The following ZFYVE26 variants were observed in gnomAD, a reference collection of about 807,000 sequenced individuals.
The protein encoded by ZFYVE26 is zinc finger FYVE-type containing 26, also known as zinc finger FYVE domain-containing protein 26.
A neutral mutation model predicts 276.5 loss-of-function variants in ZFYVE26; 181 were observed. The ratio of observed to expected loss-of-function variants is 0.65; its 90% CI spans 0.58 to 0.74. The LOEUF (loss-of-function observed/expected upper bound fraction) is 0.74. Among genes scored for constraint, ZFYVE26 ranks in the 30% least tolerant of loss-of-function variants. The pLI is 0.00. For missense variants in ZFYVE26, 2,821 were observed against 3,097.9 expected (o/e 0.91, Z 2.12); for synonymous variants, 1,129 against 1,203.1 (o/e 0.94, Z 1.27).
chr14:67,781,649 C>T, intron 21 of ZFYVE26, 120 bp from the exon 22 acceptor site: 1 of 898,772 alleles, frequency 1.1e-6, no homozygotes, highest in East Asian at 2.6e-5. Context: ...TTGGAGGATC[C>T]TTAAGATGGA....
At chr14:67,802,414 G>A (rs765014020) in intron 9 of ZFYVE26, 132 bp from the exon 10 acceptor site, 14 of 890,022 alleles carry the variant, frequency 1.6e-5, no homozygotes, top group Middle Eastern at 3.1e-4. Flanking sequence ...CCTTTCTGTC[G>A]GTCTGATCTG....
At chr14:67,778,494 A>AGACTG (rs2039412380) in intron 23 of ZFYVE26, among the ~76,000 whole-genome samples, 1 of 152,264 alleles carries the variant, frequency 6.6e-6, no homozygotes, top group African/African-American at 2.4e-5. Context: ...GAAGTGGGAA[A>AGACTG]GACTGAAAAG....
intron 39 of ZFYVE26, 95 bp from the exon 40 acceptor site, chr14:67,752,621 G>A (rs2038679499): frequency 7.6e-7 from 1 of 1,310,518 alleles, no homozygotes; most frequent in Non-Finnish European, 1.1e-6. Context: ...GCTTGGTGTA[G>A]ATAAGCCATA....
chr14:67,764,442 A>G (rs2039007685), intron 32 of ZFYVE26, among the ~76,000 whole-genome samples: 1 of 152,170 alleles, frequency 6.6e-6, no homozygotes, highest in South Asian at 2.1e-4. Flanking sequence ...GCTGGTCTCG[A>G]ACTCCTGGCC....
intron 13 of ZFYVE26, among the ~76,000 whole-genome samples, chr14:67,731,666 A>G (rs2038277805): frequency 6.6e-6 from 1 of 152,152 alleles, no homozygotes; most frequent in Admixed American, 6.5e-5. Flanking sequence ...ATAATGTTGT[A>G]AGGAAAAAAC....
In ZFYVE26 at chr14:67,739,983, G is replaced by C. The variant is rs139780410; in HGVS notation, n.2680-10164C>G. On this transcript the variant is annotated intron_variant and non_coding_transcript_variant, in intron 13 of 14. Coordinates refer to the ZFYVE26 transcript ENST00000394455. The stretch of plus-strand genomic sequence containing the variant: ...ATGTCACATTCCACTGCAGGAATGG[G>C]GGTGGGAGGGTGGTTCTGCTCCCCA... Among the ~76,000 whole-genome samples, 853 of 152,170 alleles carry C rather than the reference G, an allele frequency of 5.6e-3. 7 individuals are homozygous for C. Among genetic ancestry groups the C allele is most frequent in the Non-Finnish European group, 7.1e-3 (486 of 68,010 alleles).
At chr14:67,788,246 G>A (rs547083302) in intron 16 of ZFYVE26, among the ~76,000 whole-genome samples, 24 of 152,240 alleles carry the variant, frequency 1.6e-4, no homozygotes, top group South Asian at 4.1e-4. Context: ...AAAATTAGCC[G>A]GGCGTGGTGG....
At chr14:67,729,202 A>G in intron 14 of ZFYVE26, 1 of 1,612,756 alleles carries the variant, frequency 6.2e-7, no homozygotes, top group Non-Finnish European at 8.5e-7. Context: ...CACCGGGGTC[A>G]CCACCTACGC....
intron 23 of ZFYVE26, among the ~76,000 whole-genome samples, chr14:67,779,995 T>C (rs984432726): frequency 4.6e-5 from 7 of 152,102 alleles, no homozygotes; most frequent in African/African-American, 9.7e-5. Flanking sequence ...CCTCAGCCTC[T>C]GGAGTAGCTG....
chr14:67,775,973 T>C lies in ZFYVE26; in HGVS notation c.5108A>G (p.Gln1703Arg), dbSNP rs2039330775. The change falls in exon 26 of 42, where the codon CAG (glutamine) becomes CGG (arginine). Residue 1703 changes from glutamine to arginine, a missense_variant. By Grantham distance (43) the Gln-to-Arg change is conservative. Coordinates refer to ENST00000347230, the MANE Select transcript of ZFYVE26 (RefSeq NM_015346.4). Reference sequence around the variant, plus strand: ...GCCAATCTCCTGTCCAACCAGCAGCTGCTGGAGAGTCTGCACAGCCACAGT... The same window carrying C: ...GCCAATCTCCTGTCCAACCAGCAGCCGCTGGAGAGTCTGCACAGCCACAGT... ...WATVAVQTLQQLLVGQEIGFT... is the reference protein window; with the variant it reads ...WATVAVQTLQRLLVGQEIGFT... 6.2e-7 allele frequency: 1 copy of C among 1,614,098 alleles called. No homozygotes were observed. Among genetic ancestry groups the C allele is most frequent in the Admixed American group, 1.7e-5 (1 of 59,994 alleles).
In ZFYVE26 at chr14:67,752,327, T is replaced by C. The variant is rs1329851547; in HGVS notation, c.7371+17A>G. The C allele has an allele frequency of 2.5e-6, 4 of 1,602,688 alleles. No homozygotes were observed. Among genetic ancestry groups the C allele is most frequent in the Non-Finnish European group, 3.4e-6 (4 of 1,174,726 alleles). On this transcript the variant is annotated intron_variant, in intron 40 of 41. Transcript: ENST00000347230. ...TGAAATTGATGGAGGAGCCAAGAGG[T>C]ACGGGAGGGAGTGTACCTGGGGCGG... is the stretch of plus-strand genomic sequence containing the variant.
rs1594867551 is a variant in ZFYVE26 at position 67,729,311 on chromosome 14, A to AG, written n.3187dup. ...TCCCCCTTTGTCAAGACGGCACGGG[A>AG]GGGGGCGCAGACCAGCCTGCACTGC... On this transcript the variant is annotated non_coding_transcript_exon_variant, in exon 14 of 15. Transcript: ENST00000394455. 6.2e-7 allele frequency: 1 copy of AG among 1,600,818 alleles called. No homozygotes were observed. Among genetic ancestry groups the AG allele is most frequent in the Non-Finnish European group, 8.5e-7 (1 of 1,179,868 alleles).
intron 14 of ZFYVE26, among the ~76,000 whole-genome samples, chr14:67,792,995 C>T (rs1449589719): frequency 6.6e-6 from 1 of 150,636 alleles, no homozygotes. Context: ...TGTGGTGGCT[C>T]ATGCCTGTAA....
intron 9 of ZFYVE26, among the ~76,000 whole-genome samples, chr14:67,803,519 T>C (rs2040118850): frequency 6.6e-6 from 1 of 152,116 alleles, no homozygotes; most frequent in South Asian, 2.1e-4. Context: ...TTTTTTATAT[T>C]TTTGGTAGAG....
chr14:67,814,181 T>C (rs2040354860), intron 2 of ZFYVE26, 117 bp from the exon 3 acceptor site: 8 of 793,250 alleles, frequency 1.0e-5, no homozygotes, highest in Admixed American at 6.2e-5. Flanking sequence ...GGCAAGACAC[T>C]GCCCTAATGA....
intron 32 of ZFYVE26, 43 bp downstream of exon 32, chr14:67,766,183 GA>G: frequency 6.3e-7 from 1 of 1,592,928 alleles, no homozygotes; most frequent in Non-Finnish European, 8.6e-7. Context: ...AAGCTGGCTA[GA>G]AACTGCTCCT....
In ZFYVE26 at chr14:67,762,190, G is replaced by A; in HGVS notation, c.6369+13C>T. ...CCTCCCTGAGCCAGGCACTCTTCCT[G>A]CCTTGCTCTTACCAAGGATACAAAG... On this transcript the variant is annotated intron_variant, in intron 34 of 41. Coordinates refer to ENST00000347230, the MANE Select transcript of ZFYVE26 (RefSeq NM_015346.4). The A allele has an allele frequency of 6.2e-7, 1 of 1,613,292 alleles. No individual in the cohort carries two copies. Among genetic ancestry groups the A allele is most frequent in the Non-Finnish European group, 8.5e-7 (1 of 1,179,318 alleles).
chr14:67,790,658 T>C lies in ZFYVE26; in HGVS notation c.2669A>G (p.Gln890Arg). ...LAQVEHKIENQNSDAGSSTIR... is the reference protein window; with the variant it reads ...LAQVEHKIENRNSDAGSSTIR... ...GGTGCTGCTACCCGCATCTGAGTTC[T>C]GGTTTTCAATCTTGTGCTCTACTTG... The change falls in exon 15 of 42, where the codon CAG becomes CGG. Residue 890 changes from glutamine (Q) to arginine (R), a missense_variant. Physicochemically the swap from Gln to Arg is conservative, Grantham distance 43. Coordinates refer to ENST00000347230, the MANE Select transcript of ZFYVE26 (RefSeq NM_015346.4). The C allele has an allele frequency of 6.2e-7, 1 of 1,614,224 alleles. No homozygotes were observed. The highest frequency in any genetic ancestry group is 1.1e-5 in the South Asian group (1 of 91,090).
At chr14:67,739,787 G>A (rs2038393957) in intron 13 of ZFYVE26, among the ~76,000 whole-genome samples, 2 of 152,104 alleles carry the variant, frequency 1.3e-5, no homozygotes, top group Non-Finnish European at 2.9e-5. Context: ...TAATCTATAT[G>A]TACAATCTAT....
Sources: allele counts gnomAD v4.1 joint callset (sites outside exome capture counted in the v4.1 genomes callset), GRCh38; gene constraint gnomAD v4.1.1; transcripts MANE v1.5; gene names NCBI Gene and HGNC (gene_info 2026-07-23, HGNC 2026-07-21).